The following DPYD variants were observed in gnomAD, a reference collection of about 807,000 sequenced individuals.
The protein encoded by DPYD is dihydropyrimidine dehydrogenase [NADP(+)].
A neutral mutation model predicts 116.2 loss-of-function variants in DPYD; 109 were observed. The ratio of observed to expected loss-of-function variants is 0.94; its 90% CI spans 0.80 to 1.10. The LOEUF is 1.10. DPYD is among the 50% of genes least tolerant of loss of function. The pLI is 0.00. For synonymous variants in DPYD, 440 were observed against 432.0 expected (o/e 1.02, Z -0.23); for missense variants, 1,302 against 1,254.5 (o/e 1.04, Z -0.57).
intron 10 of DPYD, among the ~76,000 whole-genome samples, chr1:97,591,732 A>C (rs1018815593): frequency 6.6e-6 from 1 of 152,196 alleles, no homozygotes; most frequent in Non-Finnish European, 1.5e-5. Flanking sequence ...CAGAAGGATA[A>C]GACTTAATAT....
rs1294161790 is a variant in DPYD at position 97,318,500 on chromosome 1, G to T, written c.2059-12203C>A. Among the ~76,000 whole-genome samples, 9 of 151,962 alleles carry T rather than the reference G, an allele frequency of 5.9e-5. No individual in the cohort carries two copies. The South Asian group carries it at 1.7e-3, about 28-fold the overall frequency. On this transcript the variant is annotated intron_variant, in intron 16 of 22. Coordinates refer to ENST00000370192, the MANE Select transcript of DPYD (RefSeq NM_000110.4). ...GGACAAAGAAGGCCATTACATAATG[G>T]TAAAGGGATCAATTCAACAAGAGGA... is the stretch of plus-strand genomic sequence containing the variant.
intron 1 of DPYD, among the ~76,000 whole-genome samples, chr1:97,895,944 CA>C: frequency 6.6e-6 from 1 of 151,732 alleles, no homozygotes; most frequent in African/African-American, 2.4e-5. Context: ...TTTAAGAGAA[CA>C]AATATCTCAC....
chr1:97,400,788 T>G (rs1185803655), intron 14 of DPYD, among the ~76,000 whole-genome samples: 1 of 152,198 alleles, frequency 6.6e-6, no homozygotes, highest in Non-Finnish European at 1.5e-5. Flanking sequence ...GTGGGATGGG[T>G]GGTGATACCC....
chr1:97,721,823 A>G (rs112498229), intron 4 of DPYD, 152 bp from the exon 5 acceptor site: 11 of 719,808 alleles, frequency 1.5e-5, no homozygotes, highest in South Asian at 7.5e-5. Context: ...ATCAGGAACC[A>G]TCAATTAAAA....
Position 97,601,983 on chromosome 1 carries a change from A to C in DPYD, c.851-6817T>G, listed in dbSNP as rs150020650. Among the ~76,000 whole-genome samples, 103 of 152,180 alleles carry C rather than the reference A, an allele frequency of 6.8e-4. No individual in the cohort carries two copies. In the East Asian group the frequency reaches 0.017, roughly 25 times the overall value. Reference sequence around the variant, plus strand: ...TTCTCTAAATGTGACCACACACATTAATTGTGTGTATCACACAATTGGTTA... The same window carrying C: ...TTCTCTAAATGTGACCACACACATTCATTGTGTGTATCACACAATTGGTTA... On this transcript the variant is annotated intron_variant, in intron 8 of 22. Coordinates refer to ENST00000370192, the MANE Select transcript of DPYD (RefSeq NM_000110.4).
intron 12 of DPYD, among the ~76,000 whole-genome samples, chr1:97,518,626 T>C (rs1398766270): frequency 6.6e-6 from 1 of 152,136 alleles, no homozygotes; most frequent in African/African-American, 2.4e-5. Flanking sequence ...TCAACTCTTT[T>C]ATCTCATCAT....
chr1:97,882,566 G>T (rs1672283907), intron 2 of DPYD, among the ~76,000 whole-genome samples: 1 of 151,956 alleles, frequency 6.6e-6, no homozygotes, highest in Non-Finnish European at 1.5e-5. Context: ...CAGATAAAAA[G>T]ACATTTCTTT....
At chr1:97,384,077 C>T (rs927476674) in intron 14 of DPYD, among the ~76,000 whole-genome samples, 7 of 152,164 alleles carry the variant, frequency 4.6e-5, no homozygotes, top group Admixed American at 4.6e-4. Flanking sequence ...TTACTGCACT[C>T]CGGCCTGGGC....
intron 13 of DPYD, among the ~76,000 whole-genome samples, chr1:97,482,492 C>T (rs1678378626): frequency 6.6e-6 from 1 of 152,110 alleles, no homozygotes; most frequent in African/African-American, 2.4e-5. Context: ...AAAATGTATA[C>T]TTAAATTCTA....
At chr1:97,541,023 C>G (rs751571531) in intron 12 of DPYD, among the ~76,000 whole-genome samples, 1 of 152,184 alleles carries the variant, frequency 6.6e-6, no homozygotes, top group African/African-American at 2.4e-5. Context: ...AGGTCCTCTA[C>G]ATGCTCTCTT....
rs966457799 is a variant in DPYD at position 97,078,300 on chromosome 1, C to T, written c.*676G>A. 26 of 155,756 alleles carry T rather than the reference C, an allele frequency of 1.7e-4. No homozygotes were observed. Among genetic ancestry groups the T allele is most frequent in the Middle Eastern group, 3.1e-3 (1 of 318 alleles). The allele number at this position is 155,756 out of a possible 1,614,324, so 9.6% of individuals were successfully genotyped here. On this transcript the variant is annotated 3_prime_UTR_variant, in exon 23 of 23. Coordinates refer to ENST00000370192, the MANE Select transcript of DPYD (RefSeq NM_000110.4). ...GCCATTAAAAGAGGATGAGTTTGTA[C>T]ACCCATCTCACGCATGAGTAGTGAA...
chr1:97,755,572 C>T (rs1266544998), intron 3 of DPYD, among the ~76,000 whole-genome samples: 1 of 152,132 alleles, frequency 6.6e-6, no homozygotes, highest in East Asian at 1.9e-4. Context: ...TTTAATTCAC[C>T]CCCACTGTAA....
At chr1:97,686,298 C>T (rs906324902) in intron 7 of DPYD, among the ~76,000 whole-genome samples, 1 of 152,022 alleles carries the variant, frequency 6.6e-6, no homozygotes, top group Non-Finnish European at 1.5e-5. Context: ...GAAACTAGAC[C>T]CCTTCCTTAC....
intron 1 of DPYD, among the ~76,000 whole-genome samples, chr1:97,885,791 C>T (rs142843891): frequency 1.4e-4 from 22 of 152,116 alleles, no homozygotes; most frequent in African/African-American, 5.3e-4. Context: ...TTATATTGAA[C>T]CTGATCCAAA....
At chr1:97,281,569 TTA>T (rs1665326978) in intron 18 of DPYD, among the ~76,000 whole-genome samples, 1 of 142,950 alleles carries the variant, frequency 7.0e-6, no homozygotes, top group African/African-American at 2.6e-5. Flanking sequence ...AATCAAATTA[TTA>T]AGTATGAGGA....
Position 97,282,712 on chromosome 1 carries a change from C to A in DPYD, c.2299+22547G>T, listed in dbSNP as rs573951028. Among the ~76,000 whole-genome samples, 173 of 152,118 alleles carry A rather than the reference C, an allele frequency of 1.1e-3. 2 individuals carry two copies. The highest frequency in any genetic ancestry group is 1.7e-3 in the Non-Finnish European group (118 of 67,958). ...CATCATAGGTAGTTTCTATCCTCAC[C>A]CTCCTCCTAACCTCCTCTCTCAAAT... On this transcript the variant is annotated intron_variant, in intron 18 of 22. Coordinates refer to ENST00000370192, the MANE Select transcript of DPYD (RefSeq NM_000110.4).
chr1:97,597,869 C>A (rs903092813), intron 8 of DPYD, among the ~76,000 whole-genome samples: 14 of 152,232 alleles, frequency 9.2e-5, no homozygotes, highest in Admixed American at 5.2e-4. Flanking sequence ...TTATGTTTTT[C>A]TGGAGAACCC....
intron 2 of DPYD, among the ~76,000 whole-genome samples, chr1:97,862,577 GT>G (rs1671172540): frequency 6.6e-6 from 1 of 151,530 alleles, no homozygotes; most frequent in Non-Finnish European, 1.5e-5. Context: ...TTGTCTATTT[GT>G]TTATTTCTTT....
At chr1:97,864,999 T>G (rs75586093) in intron 2 of DPYD, among the ~76,000 whole-genome samples, 1 of 151,898 alleles carries the variant, frequency 6.6e-6, no homozygotes, top group East Asian at 1.9e-4. Context: ...CTTTTTTTTT[T>G]GAAGTAACAA....
Sources: allele counts gnomAD v4.1 joint callset (sites outside exome capture counted in the v4.1 genomes callset), GRCh38; gene constraint gnomAD v4.1.1; transcripts MANE v1.5; gene names NCBI Gene and HGNC (gene_info 2026-07-23, HGNC 2026-07-21).